NEMF: variants seen among roughly 807,000 people sequenced by gnomAD.
NEMF encodes the protein ribosome quality control complex subunit NEMF.
Under a neutral mutation model 162.2 loss-of-function variants are expected in NEMF, and 89 were observed. The observed-to-expected ratio is 0.55, with a 90% confidence interval of 0.46 to 0.65. NEMF has a LOEUF of 0.65. NEMF is among the 30% of genes least tolerant of loss of function. The probability of loss-of-function intolerance (pLI) is 0.00; values close to 1 mark genes in which losing one functional copy is unlikely to be tolerated. For missense variants in NEMF, 1,133 were observed against 1,261.9 expected (o/e 0.90, Z 1.55); for synonymous variants, 421 against 404.5 (o/e 1.04, Z -0.49).
Position 49,782,347 on chromosome 14 carries a change from A to G in NEMF, c.*2289T>C, listed in dbSNP as rs1889943772. The G allele has an allele frequency of 6.3e-7, 1 of 1,575,428 alleles. No homozygotes were observed. The highest frequency in any genetic ancestry group is 8.7e-7 in the Non-Finnish European group (1 of 1,152,696). On this transcript the variant is annotated 3_prime_UTR_variant, in exon 33 of 33. Coordinates refer to ENST00000298310, the MANE Select transcript of NEMF (RefSeq NM_004713.6). ...CAACTGGTGTTCTGGGTGGCTTCAA[A>G]CTCGTTTTTGTTTTAAATGCAGGTT...
intron 28 of NEMF, among the ~76,000 whole-genome samples, chr14:49,787,778 T>C (rs1025384616): frequency 6.6e-6 from 1 of 152,118 alleles, no homozygotes; most frequent in Non-Finnish European, 1.5e-5. Context: ...CATAAGGATA[T>C]TGTACAAATT....
At chr14:49,844,734 C>T (rs1478828726) in intron 4 of NEMF, 31 of 80,310 alleles carry the variant, frequency 3.9e-4, no homozygotes, top group African/African-American at 2.4e-3. Context: ...CGCGCACGCG[C>T]GCGCACACAC....
chr14:49,852,533 G>A (rs552403780), intron 1 of NEMF, among the ~76,000 whole-genome samples, 162 bp downstream of exon 1: 2 of 152,360 alleles, frequency 1.3e-5, no homozygotes, highest in Non-Finnish European at 2.9e-5. Flanking sequence ...TATCCTAAGG[G>A]TCACGGGAAA....
intron 4 of NEMF, among the ~76,000 whole-genome samples, chr14:49,841,835 G>C (rs541602062): frequency 7.9e-5 from 12 of 152,304 alleles, no homozygotes; most frequent in Admixed American, 3.9e-4. Flanking sequence ...GCTGGGCGCA[G>C]TGGCTCACGC....
At position 49,832,039 on chromosome 14, in the gene NEMF, C is replaced by T. The variant is rs201906831; in HGVS notation, c.882+12G>A. The T allele has an allele frequency of 8.2e-6, 13 of 1,579,980 alleles. No individual in the cohort carries two copies. The highest frequency in any genetic ancestry group is 1.7e-4 in the Middle Eastern group (1 of 5,928). ...CTAACTAACTGGTAAAGGAACAGAA[C>T]GGAAAACCCACCTTGTCAAATGATT... On this transcript the variant is annotated intron_variant, in intron 10 of 32. Transcript: ENST00000298310.
chr14:49,795,146 A>G (rs993929427), intron 26 of NEMF, among the ~76,000 whole-genome samples: 2 of 151,962 alleles, frequency 1.3e-5, no homozygotes, highest in African/African-American at 4.8e-5. Flanking sequence ...ACCAGCCCAG[A>G]CAATATAGTT....
At chr14:49,852,563 C>T (rs944496574) in intron 1 of NEMF, 132 bp downstream of exon 1, 7 of 954,684 alleles carry the variant, frequency 7.3e-6, no homozygotes, top group African/African-American at 1.6e-5. Flanking sequence ...CGCCTGCCCA[C>T]TCAGGCCTAG....
At chr14:49,797,495 C>A (rs538161381) in intron 25 of NEMF, 1 of 151,858 alleles carries the variant, frequency 6.6e-6, no homozygotes, top group Non-Finnish European at 1.5e-5. Flanking sequence ...ATTAGCCGGG[C>A]GTGGTGGTGG....
At chr14:49,806,233 T>TGTATATATAC in intron 18 of NEMF, 100 bp from the exon 19 acceptor site, 1 of 7,502 alleles carries the variant, frequency 1.3e-4, no homozygotes, top group South Asian at 2.7e-3. Context: ...ATGATATGTG[T>TGTATATATAC]ATATATATAT....
In NEMF at chr14:49,782,786, A is replaced by G. The variant is rs1407300238; in HGVS notation, c.*1850T>C. On this transcript the variant is annotated 3_prime_UTR_variant, in exon 33 of 33. Coordinates refer to ENST00000298310, the MANE Select transcript of NEMF (RefSeq NM_004713.6). ...GTTTTTCAAGTGAATGTACTTCCAAACAGTAAAGTGAAATTACTTTTCTCT... is the reference window on the plus strand; with the variant it reads ...GTTTTTCAAGTGAATGTACTTCCAAGCAGTAAAGTGAAATTACTTTTCTCT... 2 of 1,593,614 alleles carry G rather than the reference A, an allele frequency of 1.3e-6. No homozygotes were observed. Among genetic ancestry groups the G allele is most frequent in the Non-Finnish European group, 1.7e-6 (2 of 1,170,594 alleles).
chr14:49,832,048 C>T lies in NEMF; in HGVS notation c.882+3G>A. ...TGGTAAAGGAACAGAACGGAAAACC[C>T]ACCTTGTCAAATGATTCAAATTCTA... On this transcript the variant is annotated splice_donor_region_variant and intron_variant, in intron 10 of 32. Coordinates refer to ENST00000298310, the MANE Select transcript of NEMF (RefSeq NM_004713.6). 6.3e-7 allele frequency: 1 copy of T among 1,590,866 alleles called. No individual in the cohort carries two copies. Among genetic ancestry groups the T allele is most frequent in the Non-Finnish European group, 8.5e-7 (1 of 1,170,576 alleles).
chr14:49,851,917 C>A (rs1238458256), intron 1 of NEMF, 42 bp from the exon 2 acceptor site: 2 of 1,196,356 alleles, frequency 1.7e-6, no homozygotes, highest in Non-Finnish European at 2.4e-6. Context: ...ACACTATTGT[C>A]TGAAACATAA....
intron 15 of NEMF, among the ~76,000 whole-genome samples, chr14:49,828,026 T>C (rs538183583): frequency 6.6e-6 from 1 of 152,268 alleles, no homozygotes; most frequent in African/African-American, 2.4e-5. Context: ...GATTGCATGA[T>C]TTATGGGAAA....
chr14:49,830,874 A>G (rs1892599742), intron 11 of NEMF, among the ~76,000 whole-genome samples: 1 of 152,254 alleles, frequency 6.6e-6, no homozygotes, highest in Non-Finnish European at 1.5e-5. Context: ...CACAGAAAAC[A>G]TATTAAGACT....
chr14:49,831,253 C>A (rs1188370337), intron 11 of NEMF, 46 bp downstream of exon 11: 3 of 1,060,132 alleles, frequency 2.8e-6, no homozygotes, highest in Non-Finnish European at 4.4e-6. Flanking sequence ...ACCCATCAAG[C>A]CGCTAAAGAC....
chr14:49,849,003 TAAG>T (rs1893648969), intron 3 of NEMF, among the ~76,000 whole-genome samples: 1 of 152,262 alleles, frequency 6.6e-6, no homozygotes, highest in Non-Finnish European at 1.5e-5. Flanking sequence ...TTTTCATAAC[TAAG>T]AAGAGTTCTT....
At chr14:49,795,061 G>A (rs115458594) in intron 26 of NEMF, among the ~76,000 whole-genome samples, 3,316 of 152,036 alleles carry the variant, frequency 0.022, 142 homozygotes, top group African/African-American at 0.075. Flanking sequence ...ACCAGACATG[G>A]TGGCTAACAC....
At chr14:49,809,072 G>A (rs1052919665) in intron 18 of NEMF, among the ~76,000 whole-genome samples, 10 of 152,120 alleles carry the variant, frequency 6.6e-5, no homozygotes, top group African/African-American at 2.4e-4. Flanking sequence ...TCCCATTGCT[G>A]GTGGTGATGT....
rs748862075 is a variant in NEMF at position 49,782,395 on chromosome 14, G to A, written c.*2241C>T. Reference sequence around the variant, plus strand: ...GTTATGGCACACAGCTTGTGCCAGCGATGAAGGAGAAGTAATTGTTTTTGG... The same window carrying A: ...GTTATGGCACACAGCTTGTGCCAGCAATGAAGGAGAAGTAATTGTTTTTGG... On this transcript the variant is annotated 3_prime_UTR_variant, in exon 33 of 33. Coordinates refer to ENST00000298310, the MANE Select transcript of NEMF (RefSeq NM_004713.6). 1.1e-5 allele frequency: 18 copies of A among 1,612,474 alleles called. No individual in the cohort carries two copies. The highest frequency in any genetic ancestry group is 2.7e-5 in the African/African-American group (2 of 74,892).
Sources: gnomAD v4.1 joint callset for allele counts (sites outside exome capture counted in the v4.1 genomes callset) on GRCh38, gnomAD v4.1.1 for gene constraint, MANE v1.5 for transcripts, NCBI Gene and HGNC (gene_info 2026-07-23, HGNC 2026-07-21) for gene names.